The following COL6A2 variants were observed in gnomAD, a reference collection of about 807,000 sequenced individuals.
The protein encoded by COL6A2 is collagen type VI alpha 2 chain.
In COL6A2, 90 loss-of-function variants were observed where a neutral mutation model predicts 124.9. The observed-to-expected ratio is 0.72, with a 90% CI of 0.61 to 0.86. The LOEUF is 0.86. Among genes scored for constraint, COL6A2 ranks in the 40% least tolerant of loss-of-function variants. The pLI is 0.00. For missense variants in COL6A2, 1,607 were observed against 1,502.5 expected (o/e 1.07, Z -1.15); for synonymous variants, 793 against 618.2 (o/e 1.28, Z -4.19).
In COL6A2 at chr21:46,107,496, T is replaced by A. The variant is rs150911869; in HGVS notation, c.-27-3954T>A. On this transcript the variant is annotated intron_variant, in intron 1 of 27. Coordinates refer to ENST00000300527, the MANE Select transcript of COL6A2 (RefSeq NM_001849.4). ...TCCTTTACTGGGGAAAATTTGCATC[T>A]GTAAGGAATCTCTGTTAACATAGCT... is the stretch of plus-strand genomic sequence containing the variant. 2.6e-3 allele frequency among the ~76,000 whole-genome samples: 390 copies of A among 152,322 alleles called. 2 individuals are homozygous for A. Among genetic ancestry groups the A allele is most frequent in the African/African-American group, 8.5e-3 (354 of 41,574 alleles).
At chr21:46,126,712 G>A (rs570007319) in intron 27 of COL6A2, among the ~76,000 whole-genome samples, 171 bp downstream of exon 27, 37 of 152,308 alleles carry the variant, frequency 2.4e-4, no homozygotes, top group African/African-American at 7.5e-4. Flanking sequence ...CACAGGGGAG[G>A]AGGGGCTTGG....
rs1393313317 is a variant in COL6A2, at chr21:46,125,474, A to G, written c.1826A>G (p.Lys609Arg). ...CCTGCCACCCCCCCAGACTGTGAGA[A>G]GCGCTGTGGCGCCCTGGACGTGGTC... Reference protein sequence around the residue: ...RETCGCCDCEKRCGALDVVFV... With the variant: ...RETCGCCDCERRCGALDVVFV... The change falls in exon 25 of 28, where the codon AAG becomes AGG. Residue 609 changes from lysine to arginine, a missense_variant. This residue lies in a region of COL6A2 where 1,223 missense variants were observed against 1,052.2 expected (regional missense o/e 1.16). Transcript: ENST00000300527. 3.1e-6 allele frequency: 5 copies of G among 1,612,690 alleles called. No homozygotes were observed. The African/African-American group carries it at 6.7e-5, about 22-fold the overall frequency.
At chr21:46,130,099 T>C (rs185143958) in intron 27 of COL6A2, among the ~76,000 whole-genome samples, 6 of 152,264 alleles carry the variant, frequency 3.9e-5, no homozygotes, top group African/African-American at 4.8e-5. Context: ...GGCTTCCGGT[T>C]GGGCAGCAGA....
chr21:46,131,812 C>T, intron 27 of COL6A2, 142 bp from the exon 28 acceptor site: 1 of 782,994 alleles, frequency 1.3e-6, no homozygotes. Flanking sequence ...CCAGGGCTGC[C>T]CTGCAGAAAC....
intron 27 of COL6A2, among the ~76,000 whole-genome samples, chr21:46,130,454 C>T (rs1171269982): frequency 6.6e-6 from 1 of 152,200 alleles, no homozygotes; most frequent in Non-Finnish European, 1.5e-5. Context: ...CGGCTGTGAC[C>T]ATTTCTCAGG....
At chr21:46,129,697 GTC>G (rs1325427170) in intron 27 of COL6A2, 2 of 1,415,212 alleles carry the variant, frequency 1.4e-6, no homozygotes, top group Non-Finnish European at 1.8e-6. Flanking sequence ...GCATCTTCCA[GTC>G]TCTCCTCCGT....
At chr21:46,126,795 T>C (rs2078677104) in intron 27 of COL6A2, among the ~76,000 whole-genome samples, 1 of 152,178 alleles carries the variant, frequency 6.6e-6, no homozygotes, top group African/African-American at 2.4e-5. Flanking sequence ...CCTGGCGCTG[T>C]GCTCGGCATG....
chr21:46,124,336 G>A (rs1022313061), intron 21 of COL6A2, among the ~76,000 whole-genome samples: 2 of 152,114 alleles, frequency 1.3e-5, no homozygotes, highest in South Asian at 2.1e-4. Flanking sequence ...CGTGGAGTTG[G>A]TGGGTACATG....
At position 46,132,489 on chromosome 21, in the gene COL6A2, G is replaced by A. The variant is rs751494076; in HGVS notation, c.2997G>A (p.Glu999=). 1.9e-6 allele frequency: 3 copies of A among 1,607,478 alleles called. No individual in the cohort carries two copies. Among genetic ancestry groups the A allele is most frequent in the Non-Finnish European group, 2.5e-6 (3 of 1,178,754 alleles). ...SLGDRAAVFH[E]KDYDSLAQPG... ...GTGACCGCGCCGCCGTGTTCCACGAGAAGGACTATGACAGCCTGGCGCAAC... is the reference window on the plus strand; with the variant it reads ...GTGACCGCGCCGCCGTGTTCCACGAAAAGGACTATGACAGCCTGGCGCAAC... Residue 999 remains glutamate, a synonymous_variant, in exon 28 of 28, where the codon GAG becomes GAA. Coordinates refer to ENST00000300527, the MANE Select transcript of COL6A2 (RefSeq NM_001849.4).
chr21:46,126,439 A>G, intron 26 of COL6A2, 64 bp from the exon 27 acceptor site: 1 of 1,602,108 alleles, frequency 6.2e-7, no homozygotes, highest in African/African-American at 1.3e-5. Flanking sequence ...AGATCAGTGA[A>G]CGGCCGCTGA....
In COL6A2 at chr21:46,132,553, C is replaced by T. The variant is rs376976896; in HGVS notation, c.*1C>T. On this transcript the variant is annotated 3_prime_UTR_variant, in exon 28 of 28. Transcript: ENST00000300527. ...CCGCTTCATCCGCTGGATCTGCTAG[C>T]GCCGCCGCCCGGGCCCCGCAGTCGA... is the stretch of plus-strand genomic sequence containing the variant. 39 of 1,591,574 alleles carry T rather than the reference C, an allele frequency of 2.5e-5. No individual in the cohort carries two copies. Among genetic ancestry groups the T allele is most frequent in the African/African-American group, 8.0e-5 (6 of 74,656 alleles).
intron 1 of COL6A2, among the ~76,000 whole-genome samples, chr21:46,099,503 A>G (rs1002718975): frequency 6.7e-6 from 1 of 148,728 alleles, no homozygotes; most frequent in Admixed American, 6.7e-5. Context: ...GCCCGGTGAG[A>G]TGCTTTCTCT....
At chr21:46,128,852 G>A (rs573816757) in intron 27 of COL6A2, 13 of 1,503,128 alleles carry the variant, frequency 8.6e-6, no homozygotes, top group South Asian at 3.4e-5. Flanking sequence ...TCCTGGCGAC[G>A]GGCCTGCGGC....
rs141021828 is a variant in COL6A2 at position 46,132,097 on chromosome 21, G to T, written c.2605G>T (p.Asp869Tyr). The change falls in exon 28 of 28, where the codon GAC becomes TAC. Residue 869 changes from aspartate (D) to tyrosine (Y), a missense_variant. Physicochemically the swap from Asp to Tyr is radical, Grantham distance 160 (BLOSUM62 -3). Around this residue, in one of 3 missense-constraint regions of COL6A2, gnomAD observed 1,223 missense variants for 1,052.2 expected, o/e 1.16. Coordinates refer to ENST00000300527, the MANE Select transcript of COL6A2 (RefSeq NM_001849.4). Reference protein sequence around the residue: ...VARRLTLARRDDDPLNARVAL... With the variant: ...VARRLTLARRYDDPLNARVAL... ...GCGGCGGCTGACGCTGGCCCGGAGG[G>T]ACGACGACCCTCTCAACGCACGCGT... 216 of 1,595,502 alleles carry T rather than the reference G, an allele frequency of 1.4e-4. No individual in the cohort carries two copies. The African/African-American group carries it at 2.5e-3, about 19-fold the overall frequency.
chr21:46,120,586 G>A lies in COL6A2; in HGVS notation c.1395+9G>A, dbSNP rs747883263. 1.4e-6 allele frequency: 2 copies of A among 1,458,742 alleles called. No individual in the cohort carries two copies. Among genetic ancestry groups the A allele is most frequent in the Non-Finnish European group, 1.8e-6 (2 of 1,105,000 alleles). The allele number at this position is 1,458,742 out of a possible 1,614,324, so 90.4% of individuals were successfully genotyped here. A position where few individuals can be genotyped will look rare whatever the true frequency, so the allele number is the denominator to read the frequency against. On this transcript the variant is annotated intron_variant, in intron 16 of 27. Coordinates refer to ENST00000300527, the MANE Select transcript of COL6A2 (RefSeq NM_001849.4). ...GCAACAAAGGAGCCAAGGTAGGGGA[G>A]CAGGGTGGGCCGCACCCCAAGGTAG... is the stretch of plus-strand genomic sequence containing the variant.
chr21:46,128,290 C>T (rs973110294), intron 27 of COL6A2, among the ~76,000 whole-genome samples: 1 of 152,234 alleles, frequency 6.6e-6, no homozygotes, highest in African/African-American at 2.4e-5. Context: ...CCCTCCCCTC[C>T]TCTCGGCCGC....
At chr21:46,101,296 T>C (rs2123590729) in intron 1 of COL6A2, among the ~76,000 whole-genome samples, 1 of 152,378 alleles carries the variant, frequency 6.6e-6, no homozygotes, top group East Asian at 1.9e-4. Flanking sequence ...TCTCTGTATA[T>C]TCTGGATATT....
intron 1 of COL6A2, 65 bp from the exon 2 acceptor site, chr21:46,111,385 C>T: frequency 3.3e-6 from 3 of 913,516 alleles, no homozygotes; most frequent in South Asian, 1.4e-5. Flanking sequence ...CGTGCGCCTG[C>T]CATGGGGGAG....
chr21:46,117,034 C>T (rs577742061), intron 10 of COL6A2, among the ~76,000 whole-genome samples: 4 of 152,324 alleles, frequency 2.6e-5, no homozygotes, highest in East Asian at 1.9e-4. Flanking sequence ...CTGCACATCC[C>T]GGCTTGGGGC....
Sources: allele counts gnomAD v4.1 joint callset (sites outside exome capture counted in the v4.1 genomes callset), GRCh38; gene constraint gnomAD v4.1.1; regional missense constraint gnomAD v4.1.1; transcripts MANE v1.5; gene names NCBI Gene and HGNC (gene_info 2026-07-23, HGNC 2026-07-21).